The following GABBR2 variants were observed in gnomAD, a reference collection of about 807,000 sequenced individuals.
GABBR2 encodes gamma-aminobutyric acid type B receptor subunit 2.
A neutral mutation model predicts 105.6 loss-of-function variants in GABBR2; 23 were observed. The ratio of observed to expected loss-of-function variants is 0.22; its 90% CI spans 0.16 to 0.31. GABBR2 has a LOEUF of 0.31. Ranked by LOEUF, GABBR2 falls within the 10% of genes least tolerant of loss-of-function variation. GABBR2 has a pLI of 1.00. For missense variants in GABBR2, 734 were observed against 1,245.5 expected, an observed-to-expected ratio of 0.59 and a Z score of 6.18; for synonymous variants, 478 against 499.7, an observed-to-expected ratio of 0.96 and a Z score of 0.58.
chr9:98,449,239 G>A (rs928299095), intron 7 of GABBR2, among the ~76,000 whole-genome samples: 1 of 152,022 alleles, frequency 6.6e-6, no homozygotes, highest in Non-Finnish European at 1.5e-5. Context: ...AAGCGAAACC[G>A]TCTTTCCTCC....
intron 2 of GABBR2, among the ~76,000 whole-genome samples, chr9:98,567,506 G>A (rs781323929): frequency 6.6e-6 from 1 of 152,070 alleles, no homozygotes; most frequent in Non-Finnish European, 1.5e-5. Flanking sequence ...CTTCATGGTC[G>A]GTGAGAGTTA....
At chr9:98,504,865 A>C (rs893931656) in intron 3 of GABBR2, among the ~76,000 whole-genome samples, 4 of 152,236 alleles carry the variant, frequency 2.6e-5, no homozygotes, top group Admixed American at 2.6e-4. Flanking sequence ...AAATCTTTGA[A>C]TAATTCAGGC....
chr9:98,684,813 A>C (rs1200907921), intron 1 of GABBR2, among the ~76,000 whole-genome samples: 1 of 152,184 alleles, frequency 6.6e-6, no homozygotes. Context: ...TCGTCAGCGC[A>C]ATGGACTCTG....
chr9:98,460,529 A>G (rs1826405690), intron 6 of GABBR2, among the ~76,000 whole-genome samples: 1 of 152,228 alleles, frequency 6.6e-6, no homozygotes, highest in African/African-American at 2.4e-5. Context: ...AATTCAATAG[A>G]TAGGTGAAAC....
At chr9:98,569,570 T>A (rs889383690) in intron 2 of GABBR2, among the ~76,000 whole-genome samples, 1 of 152,180 alleles carries the variant, frequency 6.6e-6, no homozygotes, top group Non-Finnish European at 1.5e-5. Flanking sequence ...GAAGGCAGGT[T>A]TGCTATTCCC....
At chr9:98,530,649 G>A (rs1239168249) in intron 3 of GABBR2, among the ~76,000 whole-genome samples, 3 of 152,184 alleles carry the variant, frequency 2.0e-5, no homozygotes, top group African/African-American at 7.2e-5. Flanking sequence ...ACCAGGCGCG[G>A]TGGCGTGTGC....
At chr9:98,687,252 C>T (rs976284237) in intron 1 of GABBR2, among the ~76,000 whole-genome samples, 3 of 151,518 alleles carry the variant, frequency 2.0e-5, no homozygotes, top group Admixed American at 6.6e-5. Context: ...TGGGAGGTCA[C>T]GGACGGAACA....
intron 14 of GABBR2, among the ~76,000 whole-genome samples, chr9:98,310,415 AT>A (rs928618093): frequency 2.0e-5 from 3 of 151,854 alleles, no homozygotes; most frequent in African/African-American, 7.3e-5. Flanking sequence ...CACCCAGCTA[AT>A]TTTGTATTTT....
chr9:98,369,713 C>G (rs915648359), intron 12 of GABBR2, among the ~76,000 whole-genome samples: 1 of 152,078 alleles, frequency 6.6e-6, no homozygotes, highest in African/African-American at 2.4e-5. Context: ...GCTCCATGTT[C>G]CACTGGGATG....
intron 3 of GABBR2, among the ~76,000 whole-genome samples, chr9:98,499,020 T>C (rs1827344350): frequency 6.6e-6 from 1 of 152,214 alleles, no homozygotes; most frequent in African/African-American, 2.4e-5. Flanking sequence ...AACTCTCAAG[T>C]CTCAGTTTTT....
At chr9:98,572,134 C>T (rs1263071132) in intron 2 of GABBR2, among the ~76,000 whole-genome samples, 2 of 152,244 alleles carry the variant, frequency 1.3e-5, no homozygotes, top group African/African-American at 4.8e-5. Context: ...CAGAACCAAT[C>T]TCACCTGCAT....
intron 2 of GABBR2, among the ~76,000 whole-genome samples, chr9:98,570,219 G>C (rs114119492): frequency 0.015 from 2,258 of 152,278 alleles, 56 homozygotes; most frequent in African/African-American, 0.051. Flanking sequence ...GAAGGTCCTC[G>C]TGGGGAGTGC....
In GABBR2 at chr9:98,454,046, T is replaced by G; in HGVS notation, c.1171A>C (p.Thr391Pro). The G allele has an allele frequency of 6.2e-7, 1 of 1,614,140 alleles. No individual in the cohort carries two copies. Residue 391 changes from threonine to proline, a missense_variant, in exon 7 of 19, where the codon ACG (threonine) becomes CCG (proline). By Grantham distance (38) the Thr-to-Pro change is conservative. Transcript: ENST00000259455. This position sits in a 1 kb window ranked among gnomAD's most constrained non-coding sequence, Gnocchi z 4.6. ...ATGATCCTGCCCAGCGTGTGGTCCG[T>G]GTAGTTGAAGTCCTGGATCCGCTGG... Reference protein sequence around the residue: ...RHQRIQDFNYTDHTLGRIILN... With the variant: ...RHQRIQDFNYPDHTLGRIILN...
chr9:98,539,890 T>A (rs1828256014), intron 3 of GABBR2, among the ~76,000 whole-genome samples: 1 of 140,782 alleles, frequency 7.1e-6, no homozygotes, highest in Non-Finnish European at 1.5e-5. Flanking sequence ...CACTCCAGCC[T>A]GGTGACAGAG....
chr9:98,477,901 G>A (rs1047423386), intron 5 of GABBR2, among the ~76,000 whole-genome samples: 3 of 152,248 alleles, frequency 2.0e-5, no homozygotes, highest in East Asian at 1.9e-4. Context: ...GACAGGGTAC[G>A]GATCATTGCT....
intron 3 of GABBR2, among the ~76,000 whole-genome samples, chr9:98,539,913 T>TAAAAAAAAAA (rs746934812): frequency 9.6e-6 from 1 of 103,726 alleles, no homozygotes; most frequent in Non-Finnish European, 2.0e-5. Context: ...AGACTTCGTC[T>TAAAAAAAAAA]AAAAAAAAAA....
Position 98,288,431 on chromosome 9 carries a change from G to T in GABBR2, c.*2153C>A, listed in dbSNP as rs75711594. On this transcript the variant is annotated 3_prime_UTR_variant, in exon 19 of 19. Coordinates refer to ENST00000259455, the MANE Select transcript of GABBR2 (RefSeq NM_005458.8). ...ACTTCGTGAGTTAACCTAGAAGACA[G>T]CGCACGCTCAGGAGTCACAAAGGGT... 3,075 of 152,726 alleles carry T rather than the reference G, an allele frequency of 0.02. 47 individuals are homozygous for T. Among genetic ancestry groups the T allele is most frequent in the Non-Finnish European group, 0.033 (2,262 of 68,024 alleles). 9.5% of individuals were successfully genotyped at this position (152,726 alleles called of 1,614,324 possible).
intron 12 of GABBR2, among the ~76,000 whole-genome samples, chr9:98,367,186 G>A (rs1162013602): frequency 9.5e-6 from 1 of 105,262 alleles, no homozygotes; most frequent in Non-Finnish European, 1.8e-5. Flanking sequence ...AGCCATCATG[G>A]ATGAGGGAGG....
intron 1 of GABBR2, among the ~76,000 whole-genome samples, chr9:98,691,229 T>A (rs964214730): frequency 6.6e-6 from 1 of 152,006 alleles, no homozygotes; most frequent in Non-Finnish European, 1.5e-5. Flanking sequence ...ATCCGTGGAG[T>A]GCCTAGCTCC....
Sources: gnomAD v4.1 joint callset for allele counts (sites outside exome capture counted in the v4.1 genomes callset) on GRCh38, gnomAD v4.1.1 for gene constraint, Gnocchi (gnomAD v3.1) non-coding constraint, MANE v1.5 for transcripts, NCBI Gene and HGNC (gene_info 2026-07-23, HGNC 2026-07-21) for gene names.